Variants in KLF8 observed in about 807,000 individuals in gnomAD.
KLF8 encodes the protein KLF transcription factor 8.
In KLF8, 10 loss-of-function variants were observed where a neutral mutation model predicts 18.2. The observed-to-expected ratio is 0.55, with a 90% CI of 0.34 to 0.93. The LOEUF (loss-of-function observed/expected upper bound fraction) is 0.93, where lower values mean the gene tolerates loss of function less well. Among genes scored for constraint, KLF8 ranks in the 40% least tolerant of loss-of-function variants. The probability of loss-of-function intolerance (pLI) is 0.02; values close to 1 mark genes in which losing one functional copy is unlikely to be tolerated. For missense variants in KLF8, 264 were observed against 277.9 expected (o/e 0.95, Z 0.36); for synonymous variants, 109 against 97.3 (o/e 1.12, Z -0.71).
chrX:56,126,752 CTTTTTTT>C, the KLF8 span, among the ~76,000 whole-genome samples: 3 of 72,601 alleles, frequency 4.1e-5, no homozygotes, highest in Non-Finnish European at 5.8e-5. Flanking sequence ...TTCTTTCTTT[CTTTTTTT>C]TTTTTTTTTT....
chrX:56,233,011 G>T lies in KLF8; in HGVS notation c.-324G>T, dbSNP rs756774720. On this transcript the variant is annotated 5_prime_UTR_variant, in exon 1 of 6. Coordinates refer to ENST00000468660, the MANE Select transcript of KLF8 (RefSeq NM_007250.5). ...ATTTTTGTCCAAGGAAAAGCTGCAG[G>T]GGGGAGGATTCTTTTTAGGAAGTCT... The T allele has an allele frequency of 3.1e-6, 1 of 323,263 alleles. No individual in the cohort carries two copies. The highest frequency in any genetic ancestry group is 7.0e-5 in the South Asian group (1 of 14,379). 26.6% of individuals were successfully genotyped at this position (323,263 alleles called of 1,213,427 possible). A position where few individuals can be genotyped will look rare whatever the true frequency, so the allele number is the denominator to read the frequency against.
At chrX:56,130,590 G>C in the KLF8 span, among the ~76,000 whole-genome samples, 2 of 110,867 alleles carry the variant, frequency 1.8e-5, no homozygotes, top group Non-Finnish European at 3.8e-5. Context: ...GACAAAACCA[G>C]GTTCTTTAAC....
the KLF8 span, among the ~76,000 whole-genome samples, chrX:56,160,188 G>T: frequency 8.9e-6 from 1 of 111,967 alleles, no homozygotes; most frequent in Non-Finnish European, 1.9e-5. Flanking sequence ...TTTCCGTGTA[G>T]TTGAGCAGTT....
chrX:55,918,644 T>C, the KLF8 span, among the ~76,000 whole-genome samples: 2 of 112,249 alleles, frequency 1.8e-5, no homozygotes, highest in Non-Finnish European at 3.8e-5. Context: ...CTCTTTCAGC[T>C]TCTGGTAAGT....
the KLF8 span, among the ~76,000 whole-genome samples, chrX:56,086,989 G>T: frequency 9.0e-6 from 1 of 111,484 alleles, no homozygotes. Flanking sequence ...ACCAGTCACT[G>T]GGAGATGAAG....
At chrX:56,029,308 G>A in the KLF8 span, among the ~76,000 whole-genome samples, 1 of 111,492 alleles carries the variant, frequency 9.0e-6, no homozygotes, top group Non-Finnish European at 1.9e-5. Context: ...TTTTGTAAAG[G>A]AAATGGTGGC....
chrX:56,173,902 T>G, the KLF8 span, among the ~76,000 whole-genome samples: 1 of 111,924 alleles, frequency 8.9e-6, no homozygotes, highest in Non-Finnish European at 1.9e-5. Context: ...TCTCTGTCTG[T>G]TATTGATATA....
At chrX:56,147,756 A>G in the KLF8 span, among the ~76,000 whole-genome samples, 5 of 112,373 alleles carry the variant, frequency 4.4e-5, no homozygotes, top group East Asian at 8.4e-4. Context: ...AGGTGGGTGG[A>G]TCACATGAGG....
the KLF8 span, among the ~76,000 whole-genome samples, chrX:56,079,370 T>A: frequency 9.0e-6 from 1 of 111,397 alleles, no homozygotes; most frequent in East Asian, 2.8e-4. Context: ...TCAAAGAACA[T>A]CTTTATTTCT....
the KLF8 span, among the ~76,000 whole-genome samples, chrX:56,010,936 A>G: frequency 2.7e-5 from 3 of 112,502 alleles, no homozygotes; most frequent in Non-Finnish European, 5.6e-5. Flanking sequence ...TCCTAAATAT[A>G]TGTGTATCCA....
Position 56,254,404 on chromosome X carries a change from CG to C in KLF8, c.81+4106del, listed in dbSNP as rs747183316. On this transcript the variant is annotated intron_variant, in intron 2 of 5. Transcript: ENST00000468660. ...TCTATGCGCACCCCACAGCAGAGTC[CG>C]GGGGGCGGGGTGCCTGCGACCCTTG... Among the ~76,000 whole-genome samples, 274 of 111,308 alleles carry C rather than the reference CG, an allele frequency of 2.5e-3. 1 individual carries two copies. The highest frequency in any genetic ancestry group is 8.7e-3 in the African/African-American group (266 of 30,593).
the KLF8 span, among the ~76,000 whole-genome samples, chrX:56,178,929 C>T: frequency 1.3e-4 from 15 of 112,152 alleles, no homozygotes; most frequent in African/African-American, 4.5e-4. Flanking sequence ...ATGCCTCCAG[C>T]ATTGTTCTTT....
the KLF8 span, among the ~76,000 whole-genome samples, chrX:56,030,260 C>T: frequency 9.0e-6 from 1 of 111,243 alleles, no homozygotes; most frequent in Non-Finnish European, 1.9e-5. Flanking sequence ...CATTCAGATC[C>T]CATTGAGGGT....
chrX:56,004,262 G>A, the KLF8 span, among the ~76,000 whole-genome samples: 1 of 112,308 alleles, frequency 8.9e-6, no homozygotes, highest in Non-Finnish European at 1.9e-5. Context: ...CCTTGCACAC[G>A]GTACCTGTTC....
the KLF8 span, among the ~76,000 whole-genome samples, chrX:56,204,477 A>G: frequency 4.5e-5 from 5 of 111,577 alleles, no homozygotes; most frequent in South Asian, 7.5e-4. Context: ...AGCATTGACA[A>G]TGGGCCTCCT....
At chrX:55,920,190 T>C in the KLF8 span, among the ~76,000 whole-genome samples, 1 of 111,713 alleles carries the variant, frequency 9.0e-6, no homozygotes, top group Non-Finnish European at 1.9e-5. Flanking sequence ...TCCTCTGTAC[T>C]GTAGGAAGCC....
the KLF8 span, among the ~76,000 whole-genome samples, chrX:55,960,614 G>A: frequency 0.011 from 1,212 of 109,608 alleles, 21 homozygotes; most frequent in Admixed American, 0.057. Flanking sequence ...AAAAAAAGAA[G>A]AAGGAGAAGG....
At chrX:56,080,765 C>T in the KLF8 span, among the ~76,000 whole-genome samples, 1 of 111,794 alleles carries the variant, frequency 8.9e-6, no homozygotes, top group South Asian at 3.8e-4. Flanking sequence ...GTTCCATTCT[C>T]CCCATCACTT....
chrX:56,051,321 C>T, the KLF8 span, among the ~76,000 whole-genome samples: 6 of 109,417 alleles, frequency 5.5e-5, no homozygotes, highest in African/African-American at 2.0e-4. Flanking sequence ...ATGATGTTAG[C>T]TGGTTATTTT....
Sources: allele counts gnomAD v4.1 joint callset (sites outside exome capture counted in the v4.1 genomes callset), GRCh38; gene constraint gnomAD v4.1.1; transcripts MANE v1.5; gene names NCBI Gene and HGNC (gene_info 2026-07-23, HGNC 2026-07-21).